Variants in GLI3 observed in about 807,000 individuals in gnomAD.
The protein encoded by GLI3 is GLI family zinc finger 3.
In GLI3, 20 loss-of-function variants were observed where a neutral mutation model predicts 100.8. That is an observed-to-expected ratio of 0.20 (90% CI 0.14 to 0.29). GLI3 has a LOEUF of 0.29. GLI3 is among the 10% of genes least tolerant of loss of function. GLI3 has a pLI of 1.00. For synonymous variants in GLI3, 938 were observed against 860.5 expected (o/e 1.09, Z -1.58); for missense variants, 2,040 against 2,128.5 (o/e 0.96, Z 0.82).
chr7:42,079,616 C>T (rs1421555194), intron 3 of GLI3, among the ~76,000 whole-genome samples: 2 of 152,230 alleles, frequency 1.3e-5, no homozygotes, highest in Admixed American at 6.5e-5. Context: ...ATTCAGCATT[C>T]ATAAAGTCGT....
rs1787072934 is a variant in GLI3, at chr7:41,963,804, A to T, written c.*526T>A. On this transcript the variant is annotated 3_prime_UTR_variant, in exon 15 of 15. Coordinates refer to ENST00000395925, the MANE Select transcript of GLI3 (RefSeq NM_000168.6). ...CAAAAGTTTCTTAAACTAGCTATCC[A>T]TATTCTGATTCTTGTGCCCAATGTG... 2 of 161,320 alleles carry T rather than the reference A, an allele frequency of 1.2e-5. No individual in the cohort carries two copies. Among genetic ancestry groups the T allele is most frequent in the South Asian group, 3.4e-4 (2 of 5,852 alleles). 10.0% of individuals were successfully genotyped at this position (161,320 alleles called of 1,614,324 possible).
chr7:42,187,540 A>T (rs1311596809), intron 2 of GLI3, among the ~76,000 whole-genome samples: 1 of 152,182 alleles, frequency 6.6e-6, no homozygotes, highest in Non-Finnish European at 1.5e-5. Context: ...AAAGAAAATA[A>T]AAATCAGGCA....
chr7:42,077,105 G>GA (rs1562716942), intron 3 of GLI3, among the ~76,000 whole-genome samples: 1 of 152,070 alleles, frequency 6.6e-6, no homozygotes, highest in Non-Finnish European at 1.5e-5. Flanking sequence ...ACCCAGACAC[G>GA]AAAGCAAGAA....
rs1415847050 is a variant in GLI3 at position 42,094,109 on chromosome 7, C to T, written c.368-17252G>A. On this transcript the variant is annotated intron_variant, in intron 3 of 14. Coordinates refer to ENST00000395925, the MANE Select transcript of GLI3 (RefSeq NM_000168.6). ...TTTCAGGAAGGAGTCACAGTATTTC[C>T]CTCAAGGTCACTATCTCCCTTGCAC... 3.3e-5 allele frequency among the ~76,000 whole-genome samples: 5 copies of T among 152,186 alleles called. No homozygotes were observed. In the South Asian group the frequency reaches 6.2e-4, roughly 19 times the overall value.
At chr7:42,262,209 T>TTCCTTCCTTCCTTTCTTCCTTCCTTCC (rs1186292634) in intron 1 of GLI3, among the ~76,000 whole-genome samples, 1 of 110,842 alleles carries the variant, frequency 9.0e-6, no homozygotes, top group Non-Finnish European at 1.8e-5. Flanking sequence ...TCCTTCCTTC[T>TTCCTTCCTTCCTTTCTTCCTTCCTTCC]TTCCTTCCTT....
intron 13 of GLI3, among the ~76,000 whole-genome samples, chr7:41,968,720 GAAAGAAAGA>G (rs1562661789): frequency 2.3e-4 from 24 of 102,242 alleles, no homozygotes; most frequent in South Asian, 9.9e-4. Context: ...AAAGAAGAAA[GAAAGAAAGA>G]AAGAAAGAAA....
At position 42,048,571 on chromosome 7, in the gene GLI3, T is replaced by C. The variant is rs754879090; in HGVS notation, c.599A>G (p.Tyr200Cys). Residue 200 changes from tyrosine to cysteine, a missense_variant, in exon 5 of 15, where the codon TAC (tyrosine) becomes TGC (cysteine). This residue lies in a region of GLI3 where 603 missense variants were observed against 690.9 expected (regional missense o/e 0.87). Transcript: ENST00000395925. ...FSPPHPYINP[Y>C]MDYIRSLHSS... is the part of the protein sequence containing the mutation. The stretch of plus-strand genomic sequence containing the variant: ...GTGCAAGGAGCGGATATAGTCCATG[T>C]AGGGATTAATGTAGGGATGTGGAGG... 1.2e-5 allele frequency: 20 copies of C among 1,612,336 alleles called. No individual in the cohort carries two copies. The highest frequency in any genetic ancestry group is 1.5e-5 in the Non-Finnish European group (18 of 1,179,280).
intron 4 of GLI3, among the ~76,000 whole-genome samples, chr7:42,063,207 T>C (rs1325983879): frequency 6.6e-6 from 1 of 152,194 alleles, no homozygotes; most frequent in African/African-American, 2.4e-5. Flanking sequence ...ACTAGGTCCA[T>C]TATTGTAACA....
chr7:42,190,494 A>G (rs1371088729), intron 2 of GLI3, among the ~76,000 whole-genome samples: 1 of 152,220 alleles, frequency 6.6e-6, no homozygotes, highest in Non-Finnish European at 1.5e-5. Flanking sequence ...ACTTAAGAAC[A>G]TATGAAAGAC....
intron 10 of GLI3, among the ~76,000 whole-genome samples, chr7:42,022,653 C>T (rs1788978040): frequency 6.6e-6 from 1 of 152,184 alleles, no homozygotes; most frequent in Non-Finnish European, 1.5e-5. Flanking sequence ...TCTCGATCAT[C>T]TAAATGCCCT....
rs371389453 is a variant in GLI3, at chr7:42,020,889, C to CA, written c.1497+2578dup. On this transcript the variant is annotated intron_variant, in intron 10 of 14. Coordinates refer to ENST00000395925, the MANE Select transcript of GLI3 (RefSeq NM_000168.6). ...TGGGCGACAGAGCGAGACTCCGTCT[C>CA]AAAAAAAAAAAAAAAAAAAAAAAAA... Among the ~76,000 whole-genome samples, 142 of 113,092 alleles carry CA rather than the reference C, an allele frequency of 1.3e-3. 1 individual carries two copies. Among genetic ancestry groups the CA allele is most frequent in the East Asian group, 2.6e-3 (10 of 3,846 alleles). The allele number at this position is 113,092 out of a possible 152,430, so 74.2% of individuals were successfully genotyped here. A position where few individuals can be genotyped will look rare whatever the true frequency, so the allele number is the denominator to read the frequency against.
At position 41,964,216 on chromosome 7, in the gene GLI3, T is replaced by G; in HGVS notation, c.*114A>C. 9 of 810,100 alleles carry G rather than the reference T, an allele frequency of 1.1e-5. No individual in the cohort carries two copies. Among genetic ancestry groups the G allele is most frequent in the East Asian group, 2.6e-5 (1 of 38,464 alleles). 50.2% of individuals were successfully genotyped at this position (810,100 alleles called of 1,614,324 possible). A position where few individuals can be genotyped will look rare whatever the true frequency, so the allele number is the denominator to read the frequency against. On this transcript the variant is annotated 3_prime_UTR_variant, in exon 15 of 15. Coordinates refer to ENST00000395925, the MANE Select transcript of GLI3 (RefSeq NM_000168.6). ...ATAATTGAAACACATCTCAGTTAGGTGAGATGAGATTGCTAAAATACATAC... is the reference window on the plus strand; with the variant it reads ...ATAATTGAAACACATCTCAGTTAGGGGAGATGAGATTGCTAAAATACATAC...
intron 3 of GLI3, among the ~76,000 whole-genome samples, chr7:42,106,305 C>T (rs1263309197): frequency 2.6e-5 from 4 of 152,240 alleles, no homozygotes; most frequent in African/African-American, 9.6e-5. Context: ...ACCTGGCCCT[C>T]AGAACTGTGC....
intron 3 of GLI3, among the ~76,000 whole-genome samples, chr7:42,108,688 T>C (rs1785633820): frequency 6.6e-6 from 1 of 151,984 alleles, no homozygotes; most frequent in African/African-American, 2.4e-5. Context: ...TTCTTTAGCA[T>C]AAGCCACACA....
chr7:42,236,195 C>A (rs1001318545), intron 1 of GLI3, among the ~76,000 whole-genome samples: 1 of 152,124 alleles, frequency 6.6e-6, no homozygotes, highest in Non-Finnish European at 1.5e-5. Flanking sequence ...TCAATATTTA[C>A]ACCCTCTCTG....
chr7:42,040,031 T>C lies in GLI3; in HGVS notation c.1028+7A>G, dbSNP rs750992976. 33 of 1,601,402 alleles carry C rather than the reference T, an allele frequency of 2.1e-5. No homozygotes were observed. The highest frequency in any genetic ancestry group is 2.8e-5 in the Non-Finnish European group (33 of 1,168,584). On this transcript the variant is annotated splice_region_variant and intron_variant, in intron 7 of 14. Transcript: ENST00000395925. ...AAAACACATAATGGATTCAGGAAAA[T>C]ACATACCTGATTGCACTTGCAGATA...
chr7:42,201,198 T>C (rs1029765806), intron 2 of GLI3, among the ~76,000 whole-genome samples: 12 of 149,770 alleles, frequency 8.0e-5, no homozygotes, highest in Non-Finnish European at 1.0e-4. Flanking sequence ...GTTATATGAA[T>C]GTGATATATC....
intron 4 of GLI3, among the ~76,000 whole-genome samples, chr7:42,060,364 G>C (rs1372318390): frequency 6.6e-6 from 1 of 152,070 alleles, no homozygotes; most frequent in African/African-American, 2.4e-5. Flanking sequence ...GCATTACTTA[G>C]GCGCACCCAT....
chr7:42,039,266 G>T (rs2128738199), intron 7 of GLI3, among the ~76,000 whole-genome samples: 1 of 152,248 alleles, frequency 6.6e-6, no homozygotes, highest in African/African-American at 2.4e-5. Flanking sequence ...CCTACTTACT[G>T]ACATCAGTCC....
Sources: allele counts gnomAD v4.1 joint callset (sites outside exome capture counted in the v4.1 genomes callset), GRCh38; gene constraint gnomAD v4.1.1; regional missense constraint gnomAD v4.1.1; transcripts MANE v1.5; gene names NCBI Gene and HGNC (gene_info 2026-07-23, HGNC 2026-07-21).